The following TYW1B variants were observed in gnomAD, a reference collection of about 807,000 sequenced individuals.
TYW1B encodes S-adenosyl-L-methionine-dependent tRNA 4-demethylwyosine synthase TYW1B.
In TYW1B, 73 loss-of-function variants were observed where a neutral mutation model predicts 86.9. The ratio of observed to expected loss-of-function variants is 0.84; its 90% CI spans 0.70 to 1.02. The LOEUF (loss-of-function observed/expected upper bound fraction) is 1.02, where lower values mean the gene tolerates loss of function less well. Among genes scored for constraint, TYW1B ranks in the 50% least tolerant of loss-of-function variants. The pLI, the probability that TYW1B is intolerant of heterozygous loss-of-function variation, is 0.00. For synonymous variants in TYW1B, 248 were observed against 292.8 expected, an observed-to-expected ratio of 0.85 and a Z score of 1.56; for missense variants, 637 against 827.4, an observed-to-expected ratio of 0.77 and a Z score of 2.82.
chr7:72,809,816 G>A (rs1374614759), intron 4 of TYW1B, among the ~76,000 whole-genome samples: 1 of 151,928 alleles, frequency 6.6e-6, no homozygotes, highest in African/African-American at 2.4e-5. Context: ...TGGCCAACAT[G>A]GTGAAACCCT....
chr7:72,814,380 C>A (rs879997402), intron 3 of TYW1B, among the ~76,000 whole-genome samples: 13 of 151,632 alleles, frequency 8.6e-5, no homozygotes, highest in Admixed American at 2.6e-4. Flanking sequence ...GTCAGGAGAT[C>A]GAGACCATCC....
At chr7:72,593,469 T>C (rs1359905904) in intron 13 of TYW1B, among the ~76,000 whole-genome samples, 6 of 151,962 alleles carry the variant, frequency 3.9e-5, no homozygotes, top group African/African-American at 1.5e-4. Context: ...TAGGCCTAGA[T>C]TCAAAAACAT....
In TYW1B at chr7:72,591,550, G is replaced by GA. The variant is rs542682654; in HGVS notation, c.1786-15832dup. The stretch of plus-strand genomic sequence containing the variant: ...GCTAATAATGTTTAAAGTGCTGAAA[G>GA]AAAAAAAATGTCAACCAGGAATCCT... On this transcript the variant is annotated intron_variant, in intron 13 of 13. Coordinates refer to ENST00000620995, the MANE Select transcript of TYW1B (RefSeq NM_001145440.3). 1.9e-4 allele frequency among the ~76,000 whole-genome samples: 29 copies of GA among 151,846 alleles called. No homozygotes were observed. In the South Asian group the frequency reaches 2.3e-3, roughly 12 times the overall value.
intron 11 of TYW1B, among the ~76,000 whole-genome samples, chr7:72,646,790 CA>C (rs1812941753): frequency 6.6e-6 from 1 of 152,134 alleles, no homozygotes. Context: ...GGAAGATAGA[CA>C]AAATCAGAAC....
chr7:72,698,312 G>T (rs1554451850), intron 10 of TYW1B, among the ~76,000 whole-genome samples: 2 of 152,198 alleles, frequency 1.3e-5, no homozygotes, highest in African/African-American at 4.8e-5. Flanking sequence ...ATGAAGCTGA[G>T]GTTCAAAAGG....
At chr7:72,619,235 T>C (rs1383997279) in intron 12 of TYW1B, among the ~76,000 whole-genome samples, 15 of 152,220 alleles carry the variant, frequency 9.9e-5, no homozygotes, top group Non-Finnish European at 1.9e-4. Context: ...TTTTCCCCCC[T>C]CAAAAACCCT....
At chr7:72,803,568 CT>C (rs1788442279) in intron 5 of TYW1B, among the ~76,000 whole-genome samples, 1 of 152,164 alleles carries the variant, frequency 6.6e-6, no homozygotes, top group East Asian at 1.9e-4. Flanking sequence ...GCCTTCATCC[CT>C]TTCTCCAATG....
chr7:72,670,112 CAG>C (rs1478217138), intron 11 of TYW1B, among the ~76,000 whole-genome samples: 8 of 152,158 alleles, frequency 5.3e-5, no homozygotes, highest in Non-Finnish European at 8.8e-5. Flanking sequence ...GCCTGGGTGA[CAG>C]AATGAATCCC....
At chr7:72,629,290 CATTTAG>C (rs1554439493) in intron 11 of TYW1B, among the ~76,000 whole-genome samples, 1 of 152,188 alleles carries the variant, frequency 6.6e-6, no homozygotes, top group Non-Finnish European at 1.5e-5. Context: ...CACTGAATTA[CATTTAG>C]TAAGGAATGA....
intron 10 of TYW1B, among the ~76,000 whole-genome samples, chr7:72,702,491 G>A (rs1332393506): frequency 3.3e-5 from 5 of 151,978 alleles, no homozygotes; most frequent in Non-Finnish European, 5.9e-5. Context: ...GGGTTCAAGC[G>A]ATTCTCTTGC....
chr7:72,646,562 C>T (rs184214136), intron 11 of TYW1B, among the ~76,000 whole-genome samples: 32 of 151,784 alleles, frequency 2.1e-4, no homozygotes, highest in African/African-American at 7.3e-4. Flanking sequence ...TCTGTAGAGA[C>T]GAGGTTTTGC....
chr7:72,639,997 T>G (rs1185376049), intron 11 of TYW1B, among the ~76,000 whole-genome samples: 2 of 152,106 alleles, frequency 1.3e-5, no homozygotes, highest in African/African-American at 2.4e-5. Context: ...CTATTGCTTA[T>G]AAAATGATAT....
At chr7:72,801,909 C>A (rs1300694399) in intron 6 of TYW1B, among the ~76,000 whole-genome samples, 1 of 152,168 alleles carries the variant, frequency 6.6e-6, no homozygotes, top group African/African-American at 2.4e-5. Flanking sequence ...TAAATCCTAT[C>A]ATGCTGTTCA....
At chr7:72,770,299 C>T (rs1326836788) in intron 7 of TYW1B, among the ~76,000 whole-genome samples, 3 of 151,178 alleles carry the variant, frequency 2.0e-5, no homozygotes, top group South Asian at 2.1e-4. Flanking sequence ...TGTGGTGGTG[C>T]GCGCCTGTAG....
At chr7:72,727,817 A>AG (rs1787028940) in intron 9 of TYW1B, among the ~76,000 whole-genome samples, 1 of 135,246 alleles carries the variant, frequency 7.4e-6, no homozygotes, top group African/African-American at 2.7e-5. Context: ...GGTCCAAAAA[A>AG]AAAAAAAAAA....
intron 11 of TYW1B, among the ~76,000 whole-genome samples, chr7:72,683,491 A>C (rs1451093282): frequency 3.9e-5 from 6 of 152,222 alleles, no homozygotes; most frequent in African/African-American, 1.4e-4. Context: ...AATTGCTTGA[A>C]CCTGGGAGGC....
intron 11 of TYW1B, among the ~76,000 whole-genome samples, chr7:72,649,549 G>C (rs1167050883): frequency 6.6e-6 from 1 of 152,122 alleles, no homozygotes; most frequent in Non-Finnish European, 1.5e-5. Context: ...AAAATCTCTG[G>C]TAATGTTCCT....
At chr7:72,600,590 T>C (rs1585837646) in intron 13 of TYW1B, among the ~76,000 whole-genome samples, 1 of 152,268 alleles carries the variant, frequency 6.6e-6, no homozygotes, top group East Asian at 1.9e-4. Context: ...GAAAATATTT[T>C]CAAAATACAT....
intron 7 of TYW1B, among the ~76,000 whole-genome samples, chr7:72,754,209 G>A (rs188407835): frequency 7.9e-4 from 119 of 151,128 alleles, no homozygotes; most frequent in African/African-American, 2.5e-3. Flanking sequence ...GCACGATCTC[G>A]GCTCACTGCA....
Sources: gnomAD v4.1 joint callset for allele counts (sites outside exome capture counted in the v4.1 genomes callset) on GRCh38, gnomAD v4.1.1 for gene constraint, MANE v1.5 for transcripts, NCBI Gene and HGNC (gene_info 2026-07-23, HGNC 2026-07-21) for gene names.